SUGCT: variants seen among roughly 807,000 people sequenced by gnomAD.
SUGCT encodes the protein succinyl-CoA:glutarate CoA-transferase.
In SUGCT, 41 loss-of-function variants were observed where a neutral mutation model predicts 55.0. That is an observed-to-expected ratio of 0.74 (90% confidence interval 0.58 to 0.97). SUGCT has a LOEUF of 0.97. Ranked by LOEUF, SUGCT falls within the 50% of genes least tolerant of loss-of-function variation. The pLI is 0.00. For synonymous variants in SUGCT, 187 were observed against 200.4 expected (o/e 0.93, Z 0.56); for missense variants, 568 against 547.8 (o/e 1.04, Z -0.37).
At chr7:40,179,669 A>G (rs1200800277) in intron 1 of SUGCT, among the ~76,000 whole-genome samples, 1 of 152,232 alleles carries the variant, frequency 6.6e-6, no homozygotes, top group Non-Finnish European at 1.5e-5. Context: ...GGGTGTTCCA[A>G]GATGGCTTCA....
the SUGCT span, among the ~76,000 whole-genome samples, chr7:40,891,042 A>T: frequency 6.6e-6 from 1 of 152,174 alleles, no homozygotes; most frequent in Non-Finnish European, 1.5e-5. Flanking sequence ...TAAAGAGCTC[A>T]ACAACAGACT....
intron 12 of SUGCT, among the ~76,000 whole-genome samples, chr7:40,551,621 G>A (rs1389380340): frequency 6.6e-6 from 1 of 152,196 alleles, no homozygotes; most frequent in Non-Finnish European, 1.5e-5. Context: ...GGCACCATAA[G>A]TGATCACTCC....
the SUGCT span, among the ~76,000 whole-genome samples, chr7:40,901,980 C>T: frequency 3.3e-5 from 5 of 152,104 alleles, no homozygotes; most frequent in African/African-American, 1.2e-4. Flanking sequence ...GCAAAGAGAG[C>T]TTGGGTTAAA....
chr7:40,573,998 G>A (rs1010109057), intron 12 of SUGCT, among the ~76,000 whole-genome samples: 2 of 152,158 alleles, frequency 1.3e-5, no homozygotes, highest in African/African-American at 4.8e-5. Flanking sequence ...ATGAAACTGT[G>A]TTATTCTGAA....
intron 8 of SUGCT, among the ~76,000 whole-genome samples, chr7:40,309,895 A>T (rs1247917006): frequency 2.9e-3 from 16 of 5,606 alleles, no homozygotes; most frequent in Middle Eastern, 0.17. Flanking sequence ...AAAGTATTAA[A>T]AAAAAAAAAA....
At chr7:40,512,210 A>T in intron 12 of SUGCT, among the ~76,000 whole-genome samples, 1 of 152,196 alleles carries the variant, frequency 6.6e-6, no homozygotes, top group East Asian at 1.9e-4. Context: ...GATGCTGTCC[A>T]ATTCCTAGTG....
At chr7:40,555,587 G>A (rs1041167365) in intron 12 of SUGCT, among the ~76,000 whole-genome samples, 10 of 152,064 alleles carry the variant, frequency 6.6e-5, no homozygotes, top group Admixed American at 1.3e-4. Flanking sequence ...AGTCTCCTGC[G>A]GAGCTGGTTT....
Position 40,552,820 on chromosome 7 carries a change from T to C in SUGCT, c.1089+56434T>C, listed in dbSNP as rs533700998. On this transcript the variant is annotated intron_variant, in intron 12 of 13. Coordinates refer to ENST00000335693, the MANE Select transcript of SUGCT (RefSeq NM_001193313.2). ...AACCCATCATCGTTGTATTAATCAA[T>C]TGGTTCAGGGATTTGAGATTTCCTG... is the stretch of plus-strand genomic sequence containing the variant. Among the ~76,000 whole-genome samples the C allele has an allele frequency of 3.8e-3, 427 of 111,040 alleles. 4 individuals carry two copies. Among genetic ancestry groups the C allele is most frequent in the African/African-American group, 0.014 (390 of 28,718 alleles). The allele number at this position is 111,040 out of a possible 152,430, so 72.8% of individuals were successfully genotyped here. A position where few individuals can be genotyped will look rare whatever the true frequency, so the allele number is the denominator to read the frequency against.
intron 7 of SUGCT, among the ~76,000 whole-genome samples, chr7:40,238,238 A>C (rs1314005870): frequency 6.6e-6 from 1 of 152,172 alleles, no homozygotes; most frequent in Non-Finnish European, 1.5e-5. Context: ...AGCCTCCCTC[A>C]GGTTTAAATG....
chr7:40,697,932 C>T (rs1206308538), intron 12 of SUGCT, among the ~76,000 whole-genome samples: 2 of 152,204 alleles, frequency 1.3e-5, no homozygotes, highest in African/African-American at 4.8e-5. Flanking sequence ...GAGAAGTTAA[C>T]AGACATTCCA....
At chr7:40,469,624 G>A (rs189631103) in intron 11 of SUGCT, among the ~76,000 whole-genome samples, 1 of 152,146 alleles carries the variant, frequency 6.6e-6, no homozygotes, top group Admixed American at 6.5e-5. Flanking sequence ...CGTGACCAGG[G>A]CTTTTTCCAC....
chr7:40,790,675 C>A (rs574027108), intron 13 of SUGCT, among the ~76,000 whole-genome samples: 2 of 152,102 alleles, frequency 1.3e-5, no homozygotes, highest in Non-Finnish European at 2.9e-5. Context: ...TAAGTCATCA[C>A]GTTTACTTAT....
chr7:40,906,150 T>A, the SUGCT span, among the ~76,000 whole-genome samples: 1 of 151,754 alleles, frequency 6.6e-6, no homozygotes, highest in Non-Finnish European at 1.5e-5. Flanking sequence ...TTTTTTTGCA[T>A]CAAACTTCTC....
At chr7:40,490,033 TAGA>T (rs1234156883) in intron 11 of SUGCT, among the ~76,000 whole-genome samples, 1 of 152,200 alleles carries the variant, frequency 6.6e-6, no homozygotes, top group Non-Finnish European at 1.5e-5. Context: ...ATTGCAGCAC[TAGA>T]AGGAGCTCTA....
At chr7:40,358,353 A>G (rs547187816) in intron 9 of SUGCT, among the ~76,000 whole-genome samples, 67 of 152,330 alleles carry the variant, frequency 4.4e-4, no homozygotes, top group African/African-American at 1.5e-3. Flanking sequence ...AGAGGAGTAT[A>G]GTAGACAAAC....
intron 13 of SUGCT, among the ~76,000 whole-genome samples, chr7:40,818,050 A>G (rs1370561677): frequency 6.6e-6 from 1 of 152,244 alleles, no homozygotes; most frequent in Non-Finnish European, 1.5e-5. Flanking sequence ...AACTCTACTC[A>G]TGCAACCAGG....
intron 3 of SUGCT, among the ~76,000 whole-genome samples, chr7:40,183,879 A>T (rs1218916737): frequency 6.6e-6 from 1 of 152,150 alleles, no homozygotes; most frequent in Non-Finnish European, 1.5e-5. Context: ...TTGCTTAGAA[A>T]AGCATCATTG....
chr7:40,326,177 C>T (rs1796020353), intron 9 of SUGCT, among the ~76,000 whole-genome samples: 1 of 151,926 alleles, frequency 6.6e-6, no homozygotes, highest in Non-Finnish European at 1.5e-5. Flanking sequence ...CTGAAAGCCT[C>T]CAAATGAGGA....
chr7:40,664,360 C>G (rs977076607), intron 12 of SUGCT, among the ~76,000 whole-genome samples: 3 of 152,122 alleles, frequency 2.0e-5, no homozygotes, highest in African/African-American at 7.2e-5. Flanking sequence ...AAATCTAACT[C>G]AAATAGTCAT....
Sources: gnomAD v4.1 joint callset for allele counts (sites outside exome capture counted in the v4.1 genomes callset) on GRCh38, gnomAD v4.1.1 for gene constraint, MANE v1.5 for transcripts, NCBI Gene and HGNC (gene_info 2026-07-23, HGNC 2026-07-21) for gene names.